ESF1: variants seen among roughly 807,000 people sequenced by gnomAD.
ESF1 encodes the protein ESF1 nucleolar pre-rRNA processing protein, also known as ESF1 homolog.
Under a neutral mutation model 92.0 loss-of-function variants are expected in ESF1, and 58 were observed. The observed-to-expected ratio is 0.63, with a 90% CI of 0.51 to 0.78. The LOEUF is 0.78. ESF1 is among the 30% of genes least tolerant of loss of function. ESF1 has a pLI of 0.00. For missense variants in ESF1, 922 were observed against 989.1 expected (o/e 0.93, Z 0.91); for synonymous variants, 321 against 313.7 (o/e 1.02, Z -0.24).
rs2049810190 is a variant in ESF1, at chr20:13,714,649, A to G, written c.*225T>C. On this transcript the variant is annotated 3_prime_UTR_variant, in exon 14 of 14. Transcript: ENST00000617257. ...ATATAAAAATTTTATAAACCCTATAATGCAGGTAATTTAATTATGACTGAT... is the reference window on the plus strand; with the variant it reads ...ATATAAAAATTTTATAAACCCTATAGTGCAGGTAATTTAATTATGACTGAT... 1 of 414,088 alleles carries G rather than the reference A, an allele frequency of 2.4e-6. No individual in the cohort carries two copies. The highest frequency in any genetic ancestry group is 4.0e-5 in the Admixed American group (1 of 25,012). The allele number at this position is 414,088 out of a possible 1,614,324, so 25.7% of individuals were successfully genotyped here. A position where few individuals can be genotyped will look rare whatever the true frequency, so the allele number is the denominator to read the frequency against.
chr20:13,717,978 TGTTTCAATACTGATAC>T (rs1425628322), intron 12 of ESF1, among the ~76,000 whole-genome samples: 4 of 151,862 alleles, frequency 2.6e-5, no homozygotes, highest in Admixed American at 2.0e-4. Flanking sequence ...TGGCCTTTAC[TGTTTCAATACTGATAC>T]ATTTCTATGA....
chr20:13,775,541 C>T (rs966214814), intron 3 of ESF1, among the ~76,000 whole-genome samples: 1 of 152,114 alleles, frequency 6.6e-6, no homozygotes, highest in Non-Finnish European at 1.5e-5. Context: ...CAAGTTTGTT[C>T]AGCTATTTTG....
At position 13,762,559 on chromosome 20, in the gene ESF1, G is replaced by A. The variant is rs1465824523; in HGVS notation, c.1667-2706C>T. ...TACAATCTGAAGCTCTAAAATGTGG[G>A]ATAAGTCATGTAGCTCTGTTTTTTC... On this transcript the variant is annotated intron_variant, in intron 8 of 13. Coordinates refer to ENST00000617257, the MANE Select transcript of ESF1 (RefSeq NM_001276380.2). Among the ~76,000 whole-genome samples, 3 of 152,112 alleles carry A rather than the reference G, an allele frequency of 2.0e-5. No individual in the cohort carries two copies. In the East Asian group the frequency reaches 5.8e-4, roughly 29 times the overall value.
chr20:13,782,188 C>A (rs1980220747), intron 2 of ESF1, among the ~76,000 whole-genome samples: 1 of 152,130 alleles, frequency 6.6e-6, no homozygotes, highest in African/African-American at 2.4e-5. Context: ...TACTTACCCT[C>A]TTTAGACACA....
intron 7 of ESF1, among the ~76,000 whole-genome samples, chr20:13,769,463 TTC>T (rs1455175687): frequency 6.6e-6 from 1 of 152,180 alleles, no homozygotes; most frequent in Non-Finnish European, 1.5e-5. Flanking sequence ...TGTGTCTCAT[TTC>T]TCTCTGTACC....
rs530326063 is a variant in ESF1, at chr20:13,718,703, G to A, written c.2115+205C>T. On this transcript the variant is annotated intron_variant, in intron 12 of 13. Transcript: ENST00000617257. ...TGAATTTGAGGTTAATTTTAACTTT[G>A]TACAATTTGGAGAAATTATGTTTGG... 1.7e-3 allele frequency among the ~76,000 whole-genome samples: 251 copies of A among 151,796 alleles called. 2 individuals carry two copies. The highest frequency in any genetic ancestry group is 4.6e-3 in the African/African-American group (192 of 41,478).
intron 2 of ESF1, among the ~76,000 whole-genome samples, chr20:13,776,890 T>C (rs1442253342): frequency 5.3e-5 from 8 of 152,190 alleles, no homozygotes; most frequent in Admixed American, 5.2e-4. Flanking sequence ...CCAACCATCA[T>C]GTCCAGATCA....
chr20:13,748,995 T>A (rs957739744), intron 9 of ESF1, among the ~76,000 whole-genome samples: 8 of 152,176 alleles, frequency 5.3e-5, no homozygotes, highest in Non-Finnish European at 2.9e-5. Context: ...AAATAAAATA[T>A]ATTTTATGAT....
chr20:13,743,164 G>A (rs1165804516), intron 9 of ESF1, among the ~76,000 whole-genome samples: 3 of 152,172 alleles, frequency 2.0e-5, no homozygotes, highest in Admixed American at 6.5e-5. Flanking sequence ...AACATCACGA[G>A]TATCAGAGAT....
chr20:13,782,518 C>G lies in ESF1; in HGVS notation c.623G>C (p.Arg208Thr). 1 of 1,516,398 alleles carries G rather than the reference C, an allele frequency of 6.6e-7. No individual in the cohort carries two copies. Among genetic ancestry groups the G allele is most frequent in the Non-Finnish European group, 8.8e-7 (1 of 1,140,456 alleles). The allele number at this position is 1,516,398 out of a possible 1,614,324, so 93.9% of individuals were successfully genotyped here. ...TTCCAACCTACCTGATTGCATTTCT[C>G]TTCTTGTCTTAGAACACTCGATTCT... ...SPRIECSKTR[R>T]EMQSVVQLIM... Residue 208 changes from arginine to threonine, a missense_variant, in exon 2 of 14, where the codon AGA (arginine) becomes ACA (threonine). Arg to Thr is a moderately conservative substitution (Grantham distance 71). Coordinates refer to ENST00000617257, the MANE Select transcript of ESF1 (RefSeq NM_001276380.2).
chr20:13,782,710 C>T lies in ESF1; in HGVS notation c.431G>A (p.Cys144Tyr). 1 of 1,586,030 alleles carries T rather than the reference C, an allele frequency of 6.3e-7. No individual in the cohort carries two copies. Among genetic ancestry groups the T allele is most frequent in the Non-Finnish European group, 8.5e-7 (1 of 1,171,528 alleles). The change falls in exon 2 of 14, where the codon TGT becomes TAT. Residue 144 changes from cysteine to tyrosine, a missense_variant. Cys to Tyr is a radical substitution (Grantham distance 194). Transcript: ENST00000617257. Reference protein sequence around the residue: ...SIGIKKMKTSCKFKIDSNISP... With the variant: ...SIGIKKMKTSYKFKIDSNISP... ...TATGTTTGAATCTATCTTAAATTTA[C>T]ATGAGGTTTTCATTTTTTTAATTCC...
chr20:13,781,244 C>T (rs556341385), intron 2 of ESF1, among the ~76,000 whole-genome samples: 2 of 152,076 alleles, frequency 1.3e-5, no homozygotes, highest in African/African-American at 2.4e-5. Context: ...ACTTGAAATG[C>T]GTTTTGTCTA....
intron 10 of ESF1, among the ~76,000 whole-genome samples, chr20:13,731,209 G>C (rs1032763403): frequency 2.0e-5 from 3 of 152,066 alleles, no homozygotes; most frequent in Non-Finnish European, 4.4e-5. Flanking sequence ...ACCCCATGAG[G>C]GCCCACTTGA....
intron 7 of ESF1, among the ~76,000 whole-genome samples, chr20:13,768,659 G>C (rs907659000): frequency 1.3e-5 from 2 of 151,730 alleles, no homozygotes; most frequent in African/African-American, 4.8e-5. Flanking sequence ...CACTTTGGGA[G>C]GCAGAGGGGG....
intron 9 of ESF1, among the ~76,000 whole-genome samples, chr20:13,747,809 A>G (rs1978348323): frequency 6.6e-6 from 1 of 152,158 alleles, no homozygotes; most frequent in Admixed American, 6.5e-5. Flanking sequence ...TAATGTTAAG[A>G]CCTTTTTATC....
chr20:13,716,985 T>G (rs2049832956), intron 13 of ESF1, among the ~76,000 whole-genome samples: 1 of 151,520 alleles, frequency 6.6e-6, no homozygotes, highest in Non-Finnish European at 1.5e-5. Context: ...GCCTGGCTAA[T>G]TTTTTGTATT....
intron 8 of ESF1, among the ~76,000 whole-genome samples, chr20:13,763,047 G>A (rs1979274470): frequency 6.6e-6 from 1 of 151,932 alleles, no homozygotes; most frequent in Non-Finnish European, 1.5e-5. Flanking sequence ...GTTTTTAGTA[G>A]AGACGGGGTT....
chr20:13,775,198 T>G lies in ESF1; in HGVS notation c.1108A>C (p.Asn370His), dbSNP rs763603463. The change falls in exon 4 of 14, where the codon AAT (asparagine) becomes CAT (histidine). Residue 370 changes from asparagine (N) to histidine (H), a missense_variant. Transcript: ENST00000617257. ...ACACCTCCTTTGGGTTTAAATGAAT[T>G]GAACAGAGCCAGCAAATCTTTTGCC... Reference protein sequence around the residue: ...LKAKDLLALFNSFKPKGGVIF... With the variant: ...LKAKDLLALFHSFKPKGGVIF... The G allele has an allele frequency of 6.2e-7, 1 of 1,609,634 alleles. No individual in the cohort carries two copies. The highest frequency in any genetic ancestry group is 1.3e-5 in the African/African-American group (1 of 74,750).
intron 2 of ESF1, among the ~76,000 whole-genome samples, chr20:13,782,147 G>T (rs927183216): frequency 6.6e-5 from 10 of 152,032 alleles, no homozygotes; most frequent in Admixed American, 3.9e-4. Flanking sequence ...CAAAGTGCTG[G>T]GATTACAGGC....
Sources: allele counts gnomAD v4.1 joint callset (sites outside exome capture counted in the v4.1 genomes callset), GRCh38; gene constraint gnomAD v4.1.1; transcripts MANE v1.5; gene names NCBI Gene and HGNC (gene_info 2026-07-23, HGNC 2026-07-21).